Variants in NDE1 observed in about 807,000 individuals in gnomAD.
NDE1 encodes nuclear distribution protein nudE homolog 1.
In NDE1, 28 loss-of-function variants were observed where a neutral mutation model predicts 43.4. The observed-to-expected ratio is 0.65, with a 90% CI of 0.48 to 0.89. NDE1 has a LOEUF of 0.89. Ranked by LOEUF, NDE1 falls within the 40% of genes least tolerant of loss-of-function variation. The pLI is 0.00. For missense variants in NDE1, 441 were observed against 434.1 expected (o/e 1.02, Z -0.14); for synonymous variants, 184 against 172.0 (o/e 1.07, Z -0.55).
intron 8 of NDE1, chr16:15,715,290 A>C: frequency 1.2e-6 from 2 of 1,613,752 alleles, no homozygotes; most frequent in Non-Finnish European, 1.7e-6. Flanking sequence ...CAGCAAGGAA[A>C]ACAGGTGGTT....
At position 15,667,274 on chromosome 16, in the gene NDE1, A is replaced by G. The variant is rs774052280; in HGVS notation, c.84-12A>G. On this transcript the variant is annotated splice_polypyrimidine_tract_variant and intron_variant, in intron 2 of 8. Transcript: ENST00000396354. ...AAATATTACTACGTGATGATTAACAATTTTGCTGTAGGGCAGAAAATACGC... is the reference window on the plus strand; with the variant it reads ...AAATATTACTACGTGATGATTAACAGTTTTGCTGTAGGGCAGAAAATACGC... 3.1e-6 allele frequency: 5 copies of G among 1,613,970 alleles called. No homozygotes were observed. The highest frequency in any genetic ancestry group is 1.7e-5 in the Admixed American group (1 of 59,960).
intron 1 of NDE1, among the ~76,000 whole-genome samples, chr16:15,644,539 A>G (rs2036263598): frequency 6.6e-6 from 1 of 152,206 alleles, no homozygotes; most frequent in Admixed American, 6.5e-5. Flanking sequence ...ATACTTTGAG[A>G]GGCTACGGAG....
At position 15,677,717 on chromosome 16, in the gene NDE1, G is replaced by GT. The variant is rs989374605; in HGVS notation, c.238-83dup. On this transcript the variant is annotated intron_variant, in intron 3 of 8. Coordinates refer to ENST00000396354, the MANE Select transcript of NDE1 (RefSeq NM_017668.3). Reference sequence around the variant, plus strand: ...TCCCAGTTTAGCCTCCCGAGTAGCTGTGACTCCAGGTGGATGTGTGCTACT... The same window carrying GT: ...TCCCAGTTTAGCCTCCCGAGTAGCTGTTGACTCCAGGTGGATGTGTGCTACT... 15 of 1,503,594 alleles carry GT rather than the reference G, an allele frequency of 1.0e-5. No individual in the cohort carries two copies. In the African/African-American group the frequency reaches 1.9e-4, roughly 19 times the overall value. The allele number at this position is 1,503,594 out of a possible 1,614,324, so 93.1% of individuals were successfully genotyped here. A position where few individuals can be genotyped will look rare whatever the true frequency, so the allele number is the denominator to read the frequency against.
chr16:15,706,066 C>T (rs185656028), intron 8 of NDE1, among the ~76,000 whole-genome samples: 4 of 149,582 alleles, frequency 2.7e-5, no homozygotes. Context: ...CTTTTGTTGA[C>T]AGAGGATGGG....
rs2040065875 is a variant in NDE1 at position 15,715,314 on chromosome 16, G to GCACCCCTTGTAGCTGGTGTGT, written c.948-8872_948-8852dup. On this transcript the variant is annotated intron_variant, in intron 8 of 8. Transcript: ENST00000396354. ...AAACAGGTGGTTTCAGCGGAGGGTG[G>GCACCCCTTGTAGCTGGTGTGT]CACCCCTTGTAGCTGGTGTGTCACC... 5 of 1,597,268 alleles carry GCACCCCTTGTAGCTGGTGTGT rather than the reference G, an allele frequency of 3.1e-6. No homozygotes were observed. The East Asian group carries it at 1.1e-4, about 36-fold the overall frequency.
rs189256341 is a variant in NDE1, at chr16:15,683,224, A to T, written c.387-4151A>T. 3 of 152,256 alleles carry T rather than the reference A, an allele frequency of 2.0e-5. No individual in the cohort carries two copies. In the East Asian group the frequency reaches 5.8e-4, roughly 29 times the overall value. The allele number at this position is 152,256 out of a possible 1,614,324, so 9.4% of individuals were successfully genotyped here. On this transcript the variant is annotated intron_variant, in intron 4 of 8. Transcript: ENST00000396354. ...TTATCTAACCAGTATATCTCTTTAT[A>T]TTTACTGAAAATCTGTTTTCCTATT...
chr16:15,724,985 A>G lies in NDE1; in HGVS notation c.*734A>G, dbSNP rs16967510. Reference sequence around the variant, plus strand: ...GTTAAGCATCCCTGTGACGCTCTCAACTTCATTCTAAGGGTGCCAAGAGAC... The same window carrying G: ...GTTAAGCATCCCTGTGACGCTCTCAGCTTCATTCTAAGGGTGCCAAGAGAC... On this transcript the variant is annotated 3_prime_UTR_variant, in exon 9 of 9. Coordinates refer to ENST00000396354, the MANE Select transcript of NDE1 (RefSeq NM_017668.3). 0.056 allele frequency: 91,037 copies of G among 1,613,508 alleles called. 3,024 individuals carry two copies. The highest frequency in any genetic ancestry group is 0.067 in the Non-Finnish European group (79,258 of 1,179,664).
intron 4 of NDE1, 58 bp downstream of exon 4, chr16:15,678,007 A>C: frequency 1.2e-6 from 2 of 1,602,988 alleles, no homozygotes. Context: ...TTTTGTCCCC[A>C]GCAGCTGGGT....
chr16:15,656,179 A>G (rs896482539), intron 1 of NDE1, among the ~76,000 whole-genome samples: 2 of 151,946 alleles, frequency 1.3e-5, no homozygotes, highest in Non-Finnish European at 2.9e-5. Flanking sequence ...GATAAAGTGA[A>G]GTGCAGCTGT....
At position 15,724,898 on chromosome 16, in the gene NDE1, TGGAGCTG is replaced by T; in HGVS notation, c.*651_*657del. 1 of 1,614,150 alleles carries T rather than the reference TGGAGCTG, an allele frequency of 6.2e-7. No homozygotes were observed. Among genetic ancestry groups the T allele is most frequent in the Non-Finnish European group, 8.5e-7 (1 of 1,180,030 alleles). ...TGGCAGGACACTCACCTGGGTGTCC[TGGAGCTG>T]GGAACTGAGGGACGCCACGTCCTTG... On this transcript the variant is annotated 3_prime_UTR_variant, in exon 9 of 9. Transcript: ENST00000396354.
intron 8 of NDE1, among the ~76,000 whole-genome samples, chr16:15,709,291 C>A (rs893925450): frequency 6.6e-6 from 1 of 151,530 alleles, no homozygotes; most frequent in Non-Finnish European, 1.5e-5. Flanking sequence ...TCACCTGACG[C>A]CAAGAGCATT....
intron 7 of NDE1, among the ~76,000 whole-genome samples, chr16:15,696,174 T>A (rs572071198): frequency 1.3e-4 from 19 of 150,810 alleles, no homozygotes; most frequent in Admixed American, 5.3e-4. Flanking sequence ...CCAAACATTT[T>A]AAAAAATTTT....
intron 8 of NDE1, 26 bp downstream of exon 8, chr16:15,696,886 G>A (rs371447556): frequency 2.6e-5 from 42 of 1,610,470 alleles, no homozygotes; most frequent in South Asian, 9.9e-5. Context: ...TAAACCTCTC[G>A]CTGGCGGGGA....
rs542230906 is a variant in NDE1, at chr16:15,707,729, G to T, written c.947+10869G>T. 8.4e-4 allele frequency among the ~76,000 whole-genome samples: 128 copies of T among 152,230 alleles called. 4 individuals are homozygous for T. In the South Asian group the frequency reaches 0.023, roughly 27 times the overall value. On this transcript the variant is annotated intron_variant, in intron 8 of 8. Coordinates refer to ENST00000396354, the MANE Select transcript of NDE1 (RefSeq NM_017668.3). Reference sequence around the variant, plus strand: ...GGTCATGCTTGTAATCCCAGCATTTGGGGAGGCCAAGGCGCGCGGATCACC... The same window carrying T: ...GGTCATGCTTGTAATCCCAGCATTTTGGGAGGCCAAGGCGCGCGGATCACC...
chr16:15,673,392 C>T (rs137973659), intron 3 of NDE1, among the ~76,000 whole-genome samples: 1,812 of 151,870 alleles, frequency 0.012, 44 homozygotes, highest in African/African-American at 0.042. Context: ...TTGGTAGAGA[C>T]GGGGGTTTCA....
At chr16:15,664,207 A>C (rs1232563085) in intron 1 of NDE1, among the ~76,000 whole-genome samples, 1 of 151,996 alleles carries the variant, frequency 6.6e-6, no homozygotes, top group African/African-American at 2.4e-5. Context: ...TAGGTCCTTT[A>C]GTAGGTGCTC....
chr16:15,683,677 A>G (rs1027522095), intron 4 of NDE1, among the ~76,000 whole-genome samples: 1 of 152,198 alleles, frequency 6.6e-6, no homozygotes, highest in African/African-American at 2.4e-5. Context: ...TATAAAATAC[A>G]TAAAGCAATT....
At chr16:15,718,712 C>T (rs2040304118) in intron 8 of NDE1, 1 of 549,182 alleles carries the variant, frequency 1.8e-6, no homozygotes, top group Non-Finnish European at 3.3e-6. Flanking sequence ...CACACAGCTA[C>T]TTATTGGGAA....
intron 1 of NDE1, among the ~76,000 whole-genome samples, chr16:15,659,372 T>C (rs2151420108): frequency 6.7e-6 from 1 of 149,054 alleles, no homozygotes; most frequent in African/African-American, 2.5e-5. Context: ...TCCCCAGGGA[T>C]ACACACCAGC....
Sources: allele counts gnomAD v4.1 joint callset (sites outside exome capture counted in the v4.1 genomes callset), GRCh38; gene constraint gnomAD v4.1.1; transcripts MANE v1.5; gene names NCBI Gene and HGNC (gene_info 2026-07-23, HGNC 2026-07-21).